LARP1: variants seen among roughly 807,000 people sequenced by gnomAD.
LARP1 encodes la-related protein 1.
LARP1 carries 36 observed loss-of-function variants against 122.7 expected under a neutral mutation model. The ratio of observed to expected loss-of-function variants is 0.29; its 90% CI spans 0.22 to 0.39. LARP1 has a LOEUF of 0.39. Ranked by LOEUF, LARP1 falls within the 10% of genes least tolerant of loss-of-function variation. The probability of loss-of-function intolerance (pLI) is 1.00; values close to 1 mark genes in which losing one functional copy is unlikely to be tolerated. For synonymous variants in LARP1, 539 were observed against 528.7 expected (o/e 1.02, Z -0.27); for missense variants, 1,040 against 1,403.6 (o/e 0.74, Z 4.14).
At chr5:154,707,143 G>A (rs779066625) in intron 1 of LARP1, among the ~76,000 whole-genome samples, 2 of 152,102 alleles carry the variant, frequency 1.3e-5, no homozygotes, top group Non-Finnish European at 2.9e-5. Context: ...TAGGGCCTGG[G>A]AGCAGTGACT....
chr5:154,688,700 C>T (rs1288618012), intron 1 of LARP1, among the ~76,000 whole-genome samples: 1 of 149,106 alleles, frequency 6.7e-6, no homozygotes, highest in East Asian at 2.0e-4. Flanking sequence ...GTGGCACATG[C>T]CTGTAGTCCT....
In LARP1 at chr5:154,803,400, T is replaced by C. The variant is rs774270845; in HGVS notation, c.2220T>C (p.Pro740=). ...ACCAGGAAGTTCCTCCTGGGCCACC[T>C]CGGTTCCAGCAAGGTGAGAAGCAGA... ...DPNQEVPPGP[P]RFQQVPTDAL... The change falls in exon 12 of 19, where the codon CCT becomes CCC. Residue 740 remains proline (P), a synonymous_variant. Transcript: ENST00000518297. This position sits in a 1 kb window ranked among gnomAD's most constrained non-coding sequence, Gnocchi z 4.4. 3.7e-6 allele frequency: 6 copies of C among 1,613,922 alleles called. 1 individual carries two copies. Among genetic ancestry groups the C allele is most frequent in the African/African-American group, 1.3e-5 (1 of 74,884 alleles).
chr5:154,779,927 A>G (rs1307214700), intron 1 of LARP1, among the ~76,000 whole-genome samples: 2 of 152,046 alleles, frequency 1.3e-5, no homozygotes, highest in Non-Finnish European at 2.9e-5. Context: ...CCATGTTCAT[A>G]GCATCCCAGG....
upstream of LARP1, among the ~76,000 whole-genome samples, chr5:154,751,777 T>G (rs1331327389): frequency 1.3e-5 from 2 of 152,236 alleles, no homozygotes; most frequent in Non-Finnish European, 2.9e-5. Flanking sequence ...TGTGCCTAAT[T>G]TATATATTAA....
intron 1 of LARP1, among the ~76,000 whole-genome samples, chr5:154,737,187 T>G (rs1756946917): frequency 6.6e-6 from 1 of 151,460 alleles, no homozygotes; most frequent in Non-Finnish European, 1.5e-5. Context: ...ATTACAGGCG[T>G]GCACCACCAC....
chr5:154,749,203 G>A (rs1753354610), intron 1 of LARP1, among the ~76,000 whole-genome samples: 1 of 152,166 alleles, frequency 6.6e-6, no homozygotes, highest in South Asian at 2.1e-4. Flanking sequence ...CACAGTGGGA[G>A]TACAGTTAGT....
At chr5:154,744,344 C>A (rs1753065583) in intron 1 of LARP1, among the ~76,000 whole-genome samples, 2 of 152,132 alleles carry the variant, frequency 1.3e-5, no homozygotes. Context: ...CTTTAGTCTC[C>A]TGAACTTGTC....
rs550437327 is a variant in LARP1 at position 154,725,033 on chromosome 5, T to C, written c.205+11903T>C. Among the ~76,000 whole-genome samples, 111 of 152,142 alleles carry C rather than the reference T, an allele frequency of 7.3e-4. 2 individuals are homozygous for C. The South Asian group carries it at 0.021, about 28-fold the overall frequency. On this transcript the variant is annotated intron_variant, in intron 1 of 18. Transcript: ENST00000336314. ...GCCTCACACCTGTAATCCCAATACT[T>C]TGGGAGGCTGAGGCCAGCCTGGGCA...
At chr5:154,719,315 C>T (rs1309388013) in intron 1 of LARP1, among the ~76,000 whole-genome samples, 2 of 152,164 alleles carry the variant, frequency 1.3e-5, no homozygotes, top group Non-Finnish European at 2.9e-5. Context: ...TGGCAGCCTT[C>T]AGCAAGCTCC....
intron 3 of LARP1, chr5:154,791,834 C>CA (rs375956505): frequency 6.0e-4 from 238 of 394,476 alleles, no homozygotes; most frequent in African/African-American, 4.3e-3. Context: ...TAAGTGGACC[C>CA]ACACAGTTCA....
At chr5:154,758,802 C>G (rs960229707) in intron 1 of LARP1, among the ~76,000 whole-genome samples, 4 of 152,200 alleles carry the variant, frequency 2.6e-5, no homozygotes, top group African/African-American at 9.6e-5. Flanking sequence ...CTTTAAGGGA[C>G]ACATGCAGTA....
Position 154,713,020 on chromosome 5 carries a change from T to TC in LARP1, c.98dup (p.Gly34ArgfsTer19). ...CCCATACCTAGCTGCCCTGGCAGAC[T>TC]CCCAGGGAGGAAAAACAGCGTGGCC... On this transcript the variant is annotated frameshift_variant, in exon 1 of 19. Coordinates refer to the LARP1 transcript ENST00000336314. LOFTEE classifies it high-confidence loss of function. 6.2e-7 allele frequency: 1 copy of TC among 1,614,132 alleles called. No individual in the cohort carries two copies. The highest frequency in any genetic ancestry group is 8.5e-7 in the Non-Finnish European group (1 of 1,179,990).
rs769338468 is a variant in LARP1, at chr5:154,793,829, GC to G, written c.906del (p.Thr303ProfsTer23). 6.2e-7 allele frequency: 1 copy of G among 1,613,168 alleles called. No homozygotes were observed. ...GSESATYVPV[A>X]PPTPAWQPEI... Reference sequence around the variant, plus strand: ...TGAGTCTGCCACCTACGTGCCCGTGGCCCCCCCCACCCCAGCCTGGCAACCA... The same window carrying G: ...TGAGTCTGCCACCTACGTGCCCGTGGCCCCCCCACCCCAGCCTGGCAACCA... On this transcript the variant is annotated frameshift_variant, in exon 6 of 19. Coordinates refer to ENST00000518297, the MANE Select transcript of LARP1 (RefSeq NM_033551.3). LOFTEE classifies it high-confidence loss of function.
intron 1 of LARP1, among the ~76,000 whole-genome samples, chr5:154,742,411 T>A (rs570108480): frequency 2.6e-5 from 4 of 151,994 alleles, no homozygotes; most frequent in African/African-American, 9.7e-5. Context: ...AAAATAAAAT[T>A]AGTCAGGCAT....
chr5:154,685,589 C>A (rs1409682411), intron 1 of LARP1, among the ~76,000 whole-genome samples: 1 of 152,118 alleles, frequency 6.6e-6, no homozygotes, highest in African/African-American at 2.4e-5. Context: ...GTCACCGTAT[C>A]TACTTAGATT....
chr5:154,741,198 A>G (rs957344629), intron 1 of LARP1, among the ~76,000 whole-genome samples: 2 of 152,232 alleles, frequency 1.3e-5, no homozygotes, highest in Admixed American at 1.3e-4. Flanking sequence ...CTTGAGGCCC[A>G]GATGTTAATC....
At chr5:154,792,030 C>T in intron 3 of LARP1, 3 of 451,636 alleles carry the variant, frequency 6.6e-6, no homozygotes, top group South Asian at 4.7e-5. Flanking sequence ...TGTATTATTC[C>T]CCAGCCTGTG....
chr5:154,747,120 ACT>A (rs1470102459), intron 1 of LARP1, among the ~76,000 whole-genome samples: 2 of 151,996 alleles, frequency 1.3e-5, no homozygotes, highest in Non-Finnish European at 2.9e-5. Flanking sequence ...ACAGGGCGAG[ACT>A]CTGTCTCAAA....
chr5:154,703,213 T>C (rs1390572325), intron 1 of LARP1, among the ~76,000 whole-genome samples: 1 of 150,312 alleles, frequency 6.7e-6, no homozygotes, highest in African/African-American at 2.5e-5. Context: ...TGTAAACGGA[T>C]AGTTTTTCTA....
Sources: gnomAD v4.1 joint callset for allele counts (sites outside exome capture counted in the v4.1 genomes callset) on GRCh38, gnomAD v4.1.1 for gene constraint, Gnocchi (gnomAD v3.1) non-coding constraint, MANE v1.5 for transcripts, NCBI Gene and HGNC (gene_info 2026-07-23, HGNC 2026-07-21) for gene names.